The following GRID2 variants were observed in gnomAD, a reference collection of about 807,000 sequenced individuals.
GRID2 encodes the protein glutamate ionotropic receptor delta type subunit 2, also known as glutamate receptor ionotropic, delta-2.
In GRID2, 33 loss-of-function variants were observed where a neutral mutation model predicts 114.8. That is an observed-to-expected ratio of 0.29 (90% confidence interval 0.22 to 0.38). The LOEUF (loss-of-function observed/expected upper bound fraction) is 0.38, where lower values mean the gene tolerates loss of function less well. GRID2 is among the 10% of genes least tolerant of loss of function. The pLI is 1.00. For missense variants in GRID2, 1,184 were observed against 1,257.7 expected (o/e 0.94, Z 0.89); for synonymous variants, 505 against 449.9 (o/e 1.12, Z -1.55).
intron 2 of GRID2, among the ~76,000 whole-genome samples, chr4:92,635,811 A>G (rs1191790322): frequency 6.6e-6 from 1 of 152,116 alleles, no homozygotes; most frequent in Non-Finnish European, 1.5e-5. Flanking sequence ...TAATCCTTAG[A>G]AAAGTCATTT....
At chr4:93,226,632 A>C (rs981932920) in intron 7 of GRID2, among the ~76,000 whole-genome samples, 1 of 152,118 alleles carries the variant, frequency 6.6e-6, no homozygotes, top group African/African-American at 2.4e-5. Flanking sequence ...TTAGTCCTAC[A>C]GTTCTGTGGT....
intron 1 of GRID2, among the ~76,000 whole-genome samples, chr4:92,514,132 C>T (rs1724387836): frequency 6.6e-6 from 1 of 151,808 alleles, no homozygotes; most frequent in Non-Finnish European, 1.5e-5. Flanking sequence ...TTATATGAGC[C>T]AACTGATGAG....
At chr4:92,585,213 G>A (rs753702650) in intron 1 of GRID2, among the ~76,000 whole-genome samples, 4 of 151,930 alleles carry the variant, frequency 2.6e-5, no homozygotes, top group South Asian at 2.1e-4. Context: ...GAAAAATTTG[G>A]GGGGTAGAGA....
intron 2 of GRID2, among the ~76,000 whole-genome samples, chr4:92,999,814 G>A (rs1182740031): frequency 2.0e-5 from 3 of 151,296 alleles, no homozygotes; most frequent in South Asian, 2.1e-4. Context: ...ACATGCTGTC[G>A]AATTGCTCTC....
chr4:93,517,454 G>A (rs367652765), intron 13 of GRID2, among the ~76,000 whole-genome samples: 9 of 152,150 alleles, frequency 5.9e-5, no homozygotes, highest in Middle Eastern at 6.8e-3. Context: ...GAGGGCTAGT[G>A]AAAATGCTCT....
At chr4:93,231,390 CAAAA>C (rs34267723) in intron 7 of GRID2, among the ~76,000 whole-genome samples, 1 of 104,502 alleles carries the variant, frequency 9.6e-6, no homozygotes, top group Admixed American at 9.4e-5. Context: ...CACCCCCTGC[CAAAA>C]AAAAAAAAAA....
chr4:93,349,809 A>G (rs1312029242), intron 8 of GRID2, among the ~76,000 whole-genome samples: 2 of 152,138 alleles, frequency 1.3e-5, no homozygotes, highest in Non-Finnish European at 2.9e-5. Context: ...CTAATGGAAC[A>G]ATAACAATAA....
chr4:93,770,846 T>C (rs1734052616), intron 15 of GRID2, among the ~76,000 whole-genome samples: 1 of 152,208 alleles, frequency 6.6e-6, no homozygotes, highest in Non-Finnish European at 1.5e-5. Flanking sequence ...GATGACTACA[T>C]TACAGTTGCT....
At chr4:92,840,284 G>A (rs865913057) in intron 2 of GRID2, among the ~76,000 whole-genome samples, 1 of 151,716 alleles carries the variant, frequency 6.6e-6, no homozygotes. Flanking sequence ...ACCAGTCTCA[G>A]TTTTTTTAAT....
chr4:93,657,714 A>G (rs1044276348), intron 14 of GRID2, among the ~76,000 whole-genome samples: 2 of 151,876 alleles, frequency 1.3e-5, no homozygotes, highest in Non-Finnish European at 2.9e-5. Context: ...AACTCAAACC[A>G]CTAGTTCTAT....
chr4:92,482,110 T>C (rs2149105747), intron 1 of GRID2, among the ~76,000 whole-genome samples: 1 of 148,204 alleles, frequency 6.7e-6, no homozygotes, highest in Admixed American at 6.8e-5. Context: ...TATTTATATA[T>C]ATACTATGGA....
chr4:93,172,912 T>C (rs1425024484), intron 4 of GRID2, among the ~76,000 whole-genome samples: 1 of 146,286 alleles, frequency 6.8e-6, no homozygotes, highest in Admixed American at 6.9e-5. Flanking sequence ...CATCTTAAAC[T>C]TTTTTTTTTT....
At chr4:93,334,571 T>C (rs574390085) in intron 8 of GRID2, among the ~76,000 whole-genome samples, 2 of 152,356 alleles carry the variant, frequency 1.3e-5, no homozygotes, top group African/African-American at 2.4e-5. Flanking sequence ...TATTGGACCC[T>C]GATAATGCTA....
chr4:92,508,047 C>CT (rs1724061888), intron 1 of GRID2, among the ~76,000 whole-genome samples: 1 of 151,864 alleles, frequency 6.6e-6, no homozygotes, highest in Non-Finnish European at 1.5e-5. Flanking sequence ...TTTAGTAGCA[C>CT]TTTTTGCAGC....
At chr4:92,492,571 T>C (rs951131507) in intron 1 of GRID2, among the ~76,000 whole-genome samples, 1 of 152,146 alleles carries the variant, frequency 6.6e-6, no homozygotes, top group East Asian at 1.9e-4. Context: ...CACATTTTTA[T>C]ATCTACAAAG....
At chr4:93,593,100 A>T (rs1477748122) in intron 13 of GRID2, among the ~76,000 whole-genome samples, 1 of 151,692 alleles carries the variant, frequency 6.6e-6, no homozygotes, top group Non-Finnish European at 1.5e-5. Flanking sequence ...TCCTGTCATT[A>T]TGATGTTAGC....
intron 13 of GRID2, among the ~76,000 whole-genome samples, chr4:93,535,502 A>G (rs1731967011): frequency 6.6e-6 from 1 of 152,050 alleles, no homozygotes; most frequent in African/African-American, 2.4e-5. Context: ...GTAAAAATTG[A>G]CATTCCCACC....
chr4:93,036,690 T>C (rs1246598452), intron 2 of GRID2, among the ~76,000 whole-genome samples: 1 of 152,186 alleles, frequency 6.6e-6, no homozygotes, highest in African/African-American at 2.4e-5. Context: ...CTTTCTTTTA[T>C]GTATTACTAG....
intron 6 of GRID2, among the ~76,000 whole-genome samples, chr4:93,223,623 A>G (rs904410300): frequency 6.6e-6 from 1 of 152,140 alleles, no homozygotes; most frequent in Non-Finnish European, 1.5e-5. Context: ...AAAAATCTGA[A>G]AAACACAAAT....
Sources: gnomAD v4.1 joint callset for allele counts (sites outside exome capture counted in the v4.1 genomes callset) on GRCh38, gnomAD v4.1.1 for gene constraint, MANE v1.5 for transcripts, NCBI Gene and HGNC (gene_info 2026-07-23, HGNC 2026-07-21) for gene names.